The following GRAMD1B variants were observed in gnomAD, a reference collection of about 807,000 sequenced individuals.
The protein encoded by GRAMD1B is GRAM domain containing 1B.
In GRAMD1B, 37 loss-of-function variants were observed where a neutral mutation model predicts 99.7. That is an observed-to-expected ratio of 0.37 (90% CI 0.29 to 0.49). GRAMD1B has a LOEUF of 0.49. GRAMD1B is among the 20% of genes least tolerant of loss of function. The pLI, the probability that GRAMD1B is intolerant of heterozygous loss-of-function variation, is 0.98. For synonymous variants in GRAMD1B, 427 were observed against 387.6 expected, an observed-to-expected ratio of 1.10 and a Z score of -1.19; for missense variants, 888 against 1,009.2, an observed-to-expected ratio of 0.88 and a Z score of 1.63.
chr11:123,425,025 G>A (rs945285002), intron 1 of GRAMD1B, among the ~76,000 whole-genome samples: 1 of 152,204 alleles, frequency 6.6e-6, no homozygotes, highest in African/African-American at 2.4e-5. Flanking sequence ...CACTTACTGT[G>A]TGCCAAACTC....
At chr11:123,437,338 G>C (rs764219053) in intron 1 of GRAMD1B, among the ~76,000 whole-genome samples, 4 of 152,156 alleles carry the variant, frequency 2.6e-5, no homozygotes, top group Non-Finnish European at 5.9e-5. Context: ...GAATTGCTAG[G>C]TTCAGAAAAC....
intron 3 of GRAMD1B, among the ~76,000 whole-genome samples, chr11:123,578,926 C>T (rs149608869): frequency 6.8e-4 from 104 of 152,284 alleles, no homozygotes; most frequent in African/African-American, 2.4e-3. Context: ...GCAGCAGCCA[C>T]GCCCTCAGGA....
At chr11:123,486,758 C>T (rs1022644819) in intron 2 of GRAMD1B, among the ~76,000 whole-genome samples, 13 of 152,036 alleles carry the variant, frequency 8.6e-5, no homozygotes, top group African/African-American at 1.7e-4. Context: ...AGAAATTATG[C>T]GTAAGGTAAT....
In GRAMD1B at chr11:123,457,117, A is replaced by AAAAGAAAGAAAGAAAGAAAG. The variant is rs111505156; in HGVS notation, c.375-23696_375-23677dup. ...ACAGAGAGAGACCCTTTCTGAGAAA[A>AAAAGAAAGAAAGAAAGAAAG]AAAGAAAGAAAGAAAGAAAGAATTA... On this transcript the variant is annotated intron_variant, in intron 1 of 19. Coordinates refer to ENST00000635736, the MANE Select transcript of GRAMD1B (RefSeq NM_001387025.1). 5.2e-4 allele frequency among the ~76,000 whole-genome samples: 52 copies of AAAAGAAAGAAAGAAAGAAAG among 99,478 alleles called. 2 individuals are homozygous for AAAAGAAAGAAAGAAAGAAAG. The highest frequency in any genetic ancestry group is 1.2e-3 in the African/African-American group (33 of 27,936). The allele number at this position is 99,478 out of a possible 152,430, so 65.3% of individuals were successfully genotyped here. A position where few individuals can be genotyped will look rare whatever the true frequency, so the allele number is the denominator to read the frequency against.
chr11:123,492,727 A>G lies in GRAMD1B; in HGVS notation c.452+11834A>G, dbSNP rs985005609. On this transcript the variant is annotated intron_variant, in intron 2 of 19. Coordinates refer to ENST00000635736, the MANE Select transcript of GRAMD1B (RefSeq NM_001387025.1). This position sits in a 1 kb window ranked among gnomAD's most constrained non-coding sequence, Gnocchi z 4.2. ...GAGAAACATCACTGAGAAAGATGGA[A>G]TGAATGAAGTGAGGAGAGAAAAGGA... Among the ~76,000 whole-genome samples the G allele has an allele frequency of 2.6e-5, 4 of 152,172 alleles. No individual in the cohort carries two copies. Among genetic ancestry groups the G allele is most frequent in the Admixed American group, 6.5e-5 (1 of 15,282 alleles).
chr11:123,468,623 A>G (rs1456121849), intron 1 of GRAMD1B, among the ~76,000 whole-genome samples: 2 of 151,848 alleles, frequency 1.3e-5, no homozygotes, highest in Non-Finnish European at 2.9e-5. Context: ...GTGAGACCTT[A>G]TCTTTACAAA....
intron 7 of GRAMD1B, chr11:123,598,198 G>T (rs1951520779): frequency 6.9e-7 from 1 of 1,453,770 alleles, no homozygotes; most frequent in Non-Finnish European, 9.7e-7. Context: ...GAAGGCTTTG[G>T]GTCCTCGGTA....
At position 123,559,102 on chromosome 11, in the gene GRAMD1B, G is replaced by A. The variant is rs373046665; in HGVS notation, c.453-18265G>A. ...ATAAGCCAAACATTTGCTGTTCAGG[G>A]TGGTCCCGGAATAGCAACGTGGGCA... On this transcript the variant is annotated intron_variant, in intron 2 of 19. Coordinates refer to ENST00000635736, the MANE Select transcript of GRAMD1B (RefSeq NM_001387025.1). 4.3e-4 allele frequency among the ~76,000 whole-genome samples: 65 copies of A among 152,348 alleles called. No individual in the cohort carries two copies. The South Asian group carries it at 0.013, about 30-fold the overall frequency.
intron 2 of GRAMD1B, among the ~76,000 whole-genome samples, chr11:123,491,114 C>A (rs1449528083): frequency 4.6e-5 from 7 of 152,074 alleles, no homozygotes; most frequent in Non-Finnish European, 5.9e-5. Flanking sequence ...GGGTGGATCA[C>A]CTGAGGTCGG....
chr11:123,614,566 C>A (rs1721231456), intron 16 of GRAMD1B, among the ~76,000 whole-genome samples, 179 bp from the exon 17 acceptor site: 1 of 152,162 alleles, frequency 6.6e-6, no homozygotes. Flanking sequence ...ATGACCTTGC[C>A]CTTGAGGATT....
chr11:123,567,623 C>T (rs900902028), intron 2 of GRAMD1B, among the ~76,000 whole-genome samples: 2 of 152,146 alleles, frequency 1.3e-5, no homozygotes, highest in African/African-American at 4.8e-5. Context: ...AGGGCCTTGT[C>T]TCCATGGAAA....
intron 4 of GRAMD1B, among the ~76,000 whole-genome samples, chr11:123,588,160 C>T (rs957082790): frequency 6.6e-6 from 1 of 151,546 alleles, no homozygotes. Flanking sequence ...TGGATCTTAA[C>T]TGGTTTCTTC....
chr11:123,415,103 T>C (rs1285840296), intron 1 of GRAMD1B, among the ~76,000 whole-genome samples: 3 of 129,906 alleles, frequency 2.3e-5, no homozygotes, highest in East Asian at 4.3e-4. Flanking sequence ...TTCTTTTTTT[T>C]TTTTTTTTTT....
chr11:123,442,598 C>G (rs1036063532), intron 1 of GRAMD1B, among the ~76,000 whole-genome samples: 1 of 152,114 alleles, frequency 6.6e-6, no homozygotes, highest in Admixed American at 6.5e-5. Flanking sequence ...GGCAAAACCC[C>G]GTCTCTACTA....
At chr11:123,613,153 T>C in intron 15 of GRAMD1B, 6 of 552,600 alleles carry the variant, frequency 1.1e-5, no homozygotes, top group Middle Eastern at 4.8e-4. Flanking sequence ...GGTGGCTCTG[T>C]GACGAGAAGT....
intron 2 of GRAMD1B, chr11:123,525,631 T>G: frequency 5.8e-6 from 1 of 171,698 alleles, no homozygotes; most frequent in Admixed American, 5.7e-5. Flanking sequence ...ACTGCATTGA[T>G]TAGGAGATTA....
At chr11:123,364,982 C>G (rs374006050) in intron 1 of GRAMD1B, among the ~76,000 whole-genome samples, 1 of 152,120 alleles carries the variant, frequency 6.6e-6, no homozygotes, top group South Asian at 2.1e-4. Flanking sequence ...CCTTTGAACT[C>G]TTCATTATTC....
intron 1 of GRAMD1B, among the ~76,000 whole-genome samples, chr11:123,400,179 T>TA (rs960661490): frequency 6.6e-6 from 1 of 152,108 alleles, no homozygotes; most frequent in Non-Finnish European, 1.5e-5. Context: ...GGATACCTTA[T>TA]AAAAAATAGA....
At chr11:123,565,899 G>A (rs1326350244) in intron 2 of GRAMD1B, among the ~76,000 whole-genome samples, 1 of 152,192 alleles carries the variant, frequency 6.6e-6, no homozygotes, top group African/African-American at 2.4e-5. Context: ...AAGTTCTTAT[G>A]TTTGATTTTA....
Sources: allele counts gnomAD v4.1 joint callset (sites outside exome capture counted in the v4.1 genomes callset), GRCh38; gene constraint gnomAD v4.1.1; non-coding constraint Gnocchi (gnomAD v3.1); transcripts MANE v1.5; gene names NCBI Gene and HGNC (gene_info 2026-07-23, HGNC 2026-07-21).